VTCN1: variants seen among roughly 807,000 people sequenced by gnomAD.
VTCN1 encodes the protein V-set domain-containing T-cell activation inhibitor 1.
VTCN1 carries 26 observed loss-of-function variants against 26.5 expected under a neutral mutation model. That is an observed-to-expected ratio of 0.98 (90% CI 0.72 to 1.36). The LOEUF (loss-of-function observed/expected upper bound fraction) is 1.36, where lower values mean the gene tolerates loss of function less well. Among genes scored for constraint, VTCN1 ranks in the 40% most tolerant of loss-of-function variants. The pLI is 0.00. For synonymous variants in VTCN1, 116 were observed against 130.7 expected, an observed-to-expected ratio of 0.89 and a Z score of 0.77; for missense variants, 298 against 337.7, an observed-to-expected ratio of 0.88 and a Z score of 0.92.
chr1:117,177,000 G>A (rs1246253390), intron 1 of VTCN1, among the ~76,000 whole-genome samples: 1 of 152,194 alleles, frequency 6.6e-6, no homozygotes, highest in East Asian at 1.9e-4. Flanking sequence ...TCGGGAGGCT[G>A]AGGCAGGATA....
rs189287246 is a variant in VTCN1 at position 117,155,762 on chromosome 1, G to A, written c.445+812C>T. The stretch of plus-strand genomic sequence containing the variant: ...ATACTAGTTTAGGCTGGAAAGGCCC[G>A]GTTTCTGCCTATCCTTCAAGGCTCC... On this transcript the variant is annotated intron_variant, in intron 3 of 5. Transcript: ENST00000369458. This position sits in a 1 kb window ranked among gnomAD's most constrained non-coding sequence, Gnocchi z 4.8. Among the ~76,000 whole-genome samples the A allele has an allele frequency of 3.3e-5, 5 of 152,260 alleles. No homozygotes were observed. The highest frequency in any genetic ancestry group is 3.9e-4 in the East Asian group (2 of 5,174).
At chr1:117,189,987 T>C (rs1361717171) in intron 1 of VTCN1, among the ~76,000 whole-genome samples, 2 of 152,208 alleles carry the variant, frequency 1.3e-5, no homozygotes, top group Non-Finnish European at 2.9e-5. Context: ...CCTCTGTGGA[T>C]TCAGCTACAA....
At chr1:117,152,215 T>C (rs1228725801) in intron 4 of VTCN1, among the ~76,000 whole-genome samples, 1 of 152,198 alleles carries the variant, frequency 6.6e-6, no homozygotes, top group African/African-American at 2.4e-5. Context: ...TGTAGATAAT[T>C]TTGGGTTCAT....
chr1:117,202,621 T>C (rs1648843947), intron 1 of VTCN1, among the ~76,000 whole-genome samples: 1 of 152,248 alleles, frequency 6.6e-6, no homozygotes, highest in South Asian at 2.1e-4. Flanking sequence ...CTTTATGTCT[T>C]AGCTCATGTA....
chr1:117,176,175 A>G (rs6428686), intron 1 of VTCN1, among the ~76,000 whole-genome samples: 118,821 of 152,208 alleles, frequency 0.78, 47,339 homozygotes, highest in East Asian at 0.99. Flanking sequence ...ATTGTTTCTC[A>G]TTCAACCCTA....
At chr1:117,170,450 T>C in intron 1 of VTCN1, 1 of 485,492 alleles carries the variant, frequency 2.1e-6, no homozygotes, top group Non-Finnish European at 3.9e-6. Flanking sequence ...AGACCATATA[T>C]GGAGACTGTT....
intron 4 of VTCN1, among the ~76,000 whole-genome samples, chr1:117,151,640 G>A (rs1651805238): frequency 6.6e-6 from 1 of 152,200 alleles, no homozygotes. Flanking sequence ...TAGCTAGACA[G>A]AGTGCTGATT....
At chr1:117,200,082 C>T (rs1159420526) in intron 1 of VTCN1, among the ~76,000 whole-genome samples, 1 of 151,896 alleles carries the variant, frequency 6.6e-6, no homozygotes, top group Non-Finnish European at 1.5e-5. Context: ...AGGGCAAAAA[C>T]AAAAAAGAAA....
At position 117,175,397 on chromosome 1, in the gene VTCN1, C is replaced by A. The variant is rs1007340912; in HGVS notation, c.33-5226G>T. ...CCCGCTGCTGGGTGCTGTGAGCCGG[C>A]GTGGTCGCTGTGAAGCGGATGTGCA... On this transcript the variant is annotated intron_variant, in intron 1 of 5. Coordinates refer to ENST00000369458, the MANE Select transcript of VTCN1 (RefSeq NM_024626.4). This position sits in a 1 kb window ranked among gnomAD's most constrained non-coding sequence, Gnocchi z 4.2. Among the ~76,000 whole-genome samples, 1 of 152,158 alleles carries A rather than the reference C, an allele frequency of 6.6e-6. No individual in the cohort carries two copies. The highest frequency in any genetic ancestry group is 6.5e-5 in the Admixed American group (1 of 15,278).
At position 117,153,079 on chromosome 1, in the gene VTCN1, G is replaced by A. The variant is rs376565706; in HGVS notation, c.724+12C>T. The A allele has an allele frequency of 5.6e-6, 9 of 1,599,778 alleles. No individual in the cohort carries two copies. The highest frequency in any genetic ancestry group is 7.7e-6 in the Non-Finnish European group (9 of 1,170,438). Reference sequence around the variant, plus strand: ...CCCCAGTAAATCCATACAAAAGCATGCAGGAACCCACCTGTCACTTTGATA... The same window carrying A: ...CCCCAGTAAATCCATACAAAAGCATACAGGAACCCACCTGTCACTTTGATA... On this transcript the variant is annotated intron_variant, in intron 4 of 5. Coordinates refer to ENST00000369458, the MANE Select transcript of VTCN1 (RefSeq NM_024626.4).
At chr1:117,197,776 A>C (rs1648589213) in intron 1 of VTCN1, among the ~76,000 whole-genome samples, 1 of 151,800 alleles carries the variant, frequency 6.6e-6, no homozygotes, top group Non-Finnish European at 1.5e-5. Context: ...GAACCTGGCC[A>C]CCCTCCACCA....
chr1:117,174,249 C>T (rs893494955), intron 1 of VTCN1, among the ~76,000 whole-genome samples: 3 of 152,168 alleles, frequency 2.0e-5, no homozygotes, highest in Admixed American at 6.5e-5. Flanking sequence ...CCACTCATTA[C>T]AAAAGGGCCC....
At chr1:117,171,011 C>T (rs1270845509) in intron 1 of VTCN1, among the ~76,000 whole-genome samples, 1 of 150,676 alleles carries the variant, frequency 6.6e-6, no homozygotes, top group African/African-American at 2.4e-5. Context: ...TTGCCCCCAG[C>T]CCCCCTGACA....
Position 117,156,812 on chromosome 1 carries a change from T to G in VTCN1, c.207A>C (p.Ile69=). 6.2e-7 allele frequency: 1 copy of G among 1,614,164 alleles called. No homozygotes were observed. Among genetic ancestry groups the G allele is most frequent in the Non-Finnish European group, 8.5e-7 (1 of 1,180,032 alleles). Residue 69 remains isoleucine (I), a synonymous_variant, in exon 3 of 6, where the codon ATA becomes ATC. Transcript: ENST00000369458. ...CTAAAACACCTTCCTTCAGCCATTG[T>G]ATCACGATATCAGAAAGTTTGATGT... ...EPDIKLSDIV[I]QWLKEGVLGL... is the part of the protein sequence containing the mutation.
chr1:117,202,669 A>G (rs1316504186), intron 1 of VTCN1, among the ~76,000 whole-genome samples: 1 of 152,238 alleles, frequency 6.6e-6, no homozygotes, highest in Admixed American at 6.5e-5. Context: ...TTCTAATATT[A>G]TCCCCATTTT....
intron 1 of VTCN1, among the ~76,000 whole-genome samples, chr1:117,197,512 A>C (rs1648573117): frequency 6.6e-6 from 1 of 152,158 alleles, no homozygotes; most frequent in Non-Finnish European, 1.5e-5. Context: ...TTACTTAGGG[A>C]GTATACTGAG....
At chr1:117,195,753 A>G (rs1026265623) in intron 1 of VTCN1, among the ~76,000 whole-genome samples, 1 of 152,198 alleles carries the variant, frequency 6.6e-6, no homozygotes, top group Non-Finnish European at 1.5e-5. Context: ...CAGAAGGCTT[A>G]TGATATGCAC....
intron 2 of VTCN1, among the ~76,000 whole-genome samples, chr1:117,163,233 T>C (rs1388570613): frequency 1.3e-5 from 2 of 152,212 alleles, no homozygotes; most frequent in South Asian, 2.1e-4. Context: ...TTTGAGAACA[T>C]GGCACAGGTA....
intron 4 of VTCN1, among the ~76,000 whole-genome samples, chr1:117,148,721 C>G (rs1292193324): frequency 6.6e-6 from 1 of 152,118 alleles, no homozygotes; most frequent in Non-Finnish European, 1.5e-5. Context: ...AGCTCTGAAC[C>G]AATTAAAGAG....
Sources: gnomAD v4.1 joint callset for allele counts (sites outside exome capture counted in the v4.1 genomes callset) on GRCh38, gnomAD v4.1.1 for gene constraint, Gnocchi (gnomAD v3.1) non-coding constraint, MANE v1.5 for transcripts, NCBI Gene and HGNC (gene_info 2026-07-23, HGNC 2026-07-21) for gene names.